The following POLR1D variants were observed in gnomAD, a reference collection of about 807,000 sequenced individuals.
POLR1D encodes the protein RNA polymerase I and III subunit D.
In POLR1D, 8 loss-of-function variants were observed where a neutral mutation model predicts 10.8. The observed-to-expected ratio is 0.74, with a 90% CI of 0.43 to 1.33. POLR1D has a LOEUF of 1.33. Among genes scored for constraint, POLR1D ranks in the 40% most tolerant of loss-of-function variants. The probability of loss-of-function intolerance (pLI) is 0.01; values close to 1 mark genes in which losing one functional copy is unlikely to be tolerated. For missense variants in POLR1D, 152 were observed against 161.7 expected, an observed-to-expected ratio of 0.94 and a Z score of 0.32; for synonymous variants, 54 against 57.2, an observed-to-expected ratio of 0.94 and a Z score of 0.25.
intron 1 of POLR1D, among the ~76,000 whole-genome samples, chr13:27,632,558 G>A (rs543747413): frequency 2.0e-5 from 3 of 152,164 alleles, no homozygotes; most frequent in South Asian, 4.2e-4. Flanking sequence ...TTTGCAATCC[G>A]ACTAGACCAA....
exon 3 of POLR1D, chr13:27,666,232 A>G (rs367552487): frequency 1.6e-5 from 6 of 367,006 alleles, no homozygotes; most frequent in East Asian, 1.6e-4. Context: ...GTGTTTCAAA[A>G]TAAACATGTC....
At chr13:27,643,628 T>C (rs2138549382) in intron 1 of POLR1D, among the ~76,000 whole-genome samples, 1 of 152,294 alleles carries the variant, frequency 6.6e-6, no homozygotes, top group South Asian at 2.1e-4. Context: ...ATCAATGACC[T>C]GACATCAAAA....
chr13:27,641,500 CATTAATCCAAATATTAAT>C (rs1477989245), intron 1 of POLR1D, among the ~76,000 whole-genome samples: 3 of 151,984 alleles, frequency 2.0e-5, no homozygotes, highest in Non-Finnish European at 2.9e-5. Context: ...CAAATATTAC[CATTAATCCAAATATTAAT>C]ATTAATCCAA....
chr13:27,638,242 G>A (rs1006534952), intron 1 of POLR1D, among the ~76,000 whole-genome samples: 7 of 152,224 alleles, frequency 4.6e-5, no homozygotes, highest in Admixed American at 2.6e-4. Flanking sequence ...TGCACTTAAC[G>A]GTCACAGGAC....
Position 27,636,658 on chromosome 13 carries a change from G to A in POLR1D, c.27-11721G>A, listed in dbSNP as rs1001626999. Among the ~76,000 whole-genome samples, 7 of 152,166 alleles carry A rather than the reference G, an allele frequency of 4.6e-5. No homozygotes were observed. The East Asian group carries it at 1.2e-3, about 25-fold the overall frequency. On this transcript the variant is annotated intron_variant, in intron 1 of 2. Coordinates refer to the POLR1D transcript ENST00000399697. ...CAAGCATTTGTACTGAAAATGCAGC[G>A]CCCCTTTCTTGGTAAGCGTAAGAGT...
At chr13:27,627,068 A>G (rs1052555540), downstream of POLR1D, among the ~76,000 whole-genome samples, 4 of 152,226 alleles carry the variant, frequency 2.6e-5, no homozygotes, top group African/African-American at 9.6e-5. Context: ...AGATCACTAG[A>G]CAAAAGTCTT....
At chr13:27,656,468 C>G (rs1289510865) in intron 2 of POLR1D, among the ~76,000 whole-genome samples, 1 of 152,024 alleles carries the variant, frequency 6.6e-6, no homozygotes, top group Non-Finnish European at 1.5e-5. Context: ...ACTCATGTAT[C>G]TGTAAACAGA....
downstream of POLR1D, among the ~76,000 whole-genome samples, chr13:27,626,793 A>G (rs1241686171): frequency 2.0e-5 from 3 of 152,208 alleles, no homozygotes; most frequent in Non-Finnish European, 4.4e-5. Flanking sequence ...GGTACTTTCT[A>G]TTTTCAAAGT....
chr13:27,637,377 C>T (rs930809752), intron 1 of POLR1D, among the ~76,000 whole-genome samples: 1 of 152,082 alleles, frequency 6.6e-6, no homozygotes, highest in Non-Finnish European at 1.5e-5. Context: ...TGCATTGTAC[C>T]AGAGCTCTAC....
chr13:27,621,837 C>G, upstream of POLR1D: 1 of 803,510 alleles, frequency 1.2e-6, no homozygotes, highest in Non-Finnish European at 2.1e-6. Context: ...GGCCCTGCCG[C>G]GCCGCTGCGG....
chr13:27,637,644 A>C (rs1365648748), intron 1 of POLR1D, among the ~76,000 whole-genome samples: 1 of 152,192 alleles, frequency 6.6e-6, no homozygotes, highest in African/African-American at 2.4e-5. Context: ...ATATATATTA[A>C]CTAAGTTTTT....
exon 3 of POLR1D, chr13:27,665,877 G>A (rs969858521): frequency 1.9e-5 from 30 of 1,613,990 alleles, no homozygotes; most frequent in Non-Finnish European, 2.4e-5. Context: ...TTCCGCGCTC[G>A]AGGTTCCGCC....
intron 1 of POLR1D, among the ~76,000 whole-genome samples, chr13:27,641,179 C>A (rs1403181832): frequency 6.6e-6 from 1 of 152,186 alleles, no homozygotes; most frequent in Non-Finnish European, 1.5e-5. Context: ...ATGCCTGGAA[C>A]CATACTTTCA....
rs374450725 is a variant in POLR1D at position 27,649,776 on chromosome 13, C to T, written c.101+1323C>T. ...ACCACCCACCCAGTAGCAGTGAGCA[C>T]CCCGGTGCCAAAACTGTGTTATGTA... is the stretch of plus-strand genomic sequence containing the variant. On this transcript the variant is annotated intron_variant, in intron 2 of 2. Transcript: ENST00000399697. Among the ~76,000 whole-genome samples, 17 of 152,272 alleles carry T rather than the reference C, an allele frequency of 1.1e-4. No individual in the cohort carries two copies. The South Asian group carries it at 1.2e-3, about 11-fold the overall frequency.
At chr13:27,627,195 C>T (rs1052417561), downstream of POLR1D, among the ~76,000 whole-genome samples, 1 of 152,176 alleles carries the variant, frequency 6.6e-6, no homozygotes, top group African/African-American at 2.4e-5. Flanking sequence ...CCCCCAAACC[C>T]AGCCTTTTCT....
chr13:27,658,372 T>A (rs1412117170), intron 2 of POLR1D, among the ~76,000 whole-genome samples: 2 of 152,212 alleles, frequency 1.3e-5, no homozygotes, highest in Admixed American at 6.5e-5. Flanking sequence ...CCTGGCCAGG[T>A]GTTCAGCCAC....
intron 1 of POLR1D, among the ~76,000 whole-genome samples, chr13:27,635,740 A>G (rs1956119604): frequency 6.7e-6 from 1 of 148,866 alleles, no homozygotes; most frequent in Non-Finnish European, 1.5e-5. Flanking sequence ...ACACACATAT[A>G]TATATATAAA....
At chr13:27,651,357 C>T (rs2138559393) in intron 2 of POLR1D, 1 of 152,194 alleles carries the variant, frequency 6.6e-6, no homozygotes, top group Non-Finnish European at 1.5e-5. Context: ...AAATGGGTAC[C>T]TTGTTTGTGT....
chr13:27,621,587 G>C (rs1566139391), upstream of POLR1D: 1 of 156,602 alleles, frequency 6.4e-6, no homozygotes, highest in Non-Finnish European at 1.4e-5. Flanking sequence ...AGTGATTTGG[G>C]GGCGGCAGGT....
Sources: gnomAD v4.1 joint callset for allele counts (sites outside exome capture counted in the v4.1 genomes callset) on GRCh38, gnomAD v4.1.1 for gene constraint, MANE v1.5 for transcripts, NCBI Gene and HGNC (gene_info 2026-07-23, HGNC 2026-07-21) for gene names.